CEP20: variants seen among roughly 807,000 people sequenced by gnomAD.
CEP20 encodes the protein centrosomal protein 20, also known as FGFR1OP N-terminal like.
Under a neutral mutation model 20.0 loss-of-function variants are expected in CEP20, and 18 were observed. The ratio of observed to expected loss-of-function variants is 0.90; its 90% confidence interval spans 0.62 to 1.34. CEP20 has a LOEUF of 1.34. CEP20 is among the 40% of genes most tolerant of loss of function. The pLI is 0.00. For synonymous variants in CEP20, 77 were observed against 73.7 expected (o/e 1.04, Z -0.23); for missense variants, 215 against 201.6 (o/e 1.07, Z -0.40).
At chr16:15,882,180 G>A (rs1029246500) in intron 2 of CEP20, among the ~76,000 whole-genome samples, 1 of 152,156 alleles carries the variant, frequency 6.6e-6, no homozygotes, top group African/African-American at 2.4e-5. Context: ...GCTCCCTGAG[G>A]CCTCCCAGAA....
chr16:15,877,636 G>A lies in CEP20; in HGVS notation c.311+2168C>T, dbSNP rs144886662. ...ACAAAAATTGGCCAGGCATGATGGT[G>A]CATGCCAGCGTATGCCTGTAATTCC... On this transcript the variant is annotated intron_variant, in intron 3 of 4. Transcript: ENST00000255759. 2.6e-5 allele frequency among the ~76,000 whole-genome samples: 4 copies of A among 152,284 alleles called. No individual in the cohort carries two copies. In the East Asian group the frequency reaches 5.8e-4, roughly 22 times the overall value.
intron 3 of CEP20, among the ~76,000 whole-genome samples, chr16:15,877,459 A>ACT (rs997515266): frequency 3.3e-5 from 5 of 152,200 alleles, no homozygotes; most frequent in Non-Finnish European, 5.9e-5. Context: ...CAATTATACA[A>ACT]TTTTTATACT....
intron 4 of CEP20, among the ~76,000 whole-genome samples, chr16:15,872,335 A>G (rs546508036): frequency 6.6e-6 from 1 of 151,990 alleles, no homozygotes; most frequent in South Asian, 2.1e-4. Context: ...AAAATTGATC[A>G]GCTCTCTACC....
At chr16:15,873,426 G>C (rs891932136) in intron 4 of CEP20, 65 bp downstream of exon 4, 1 of 1,558,098 alleles carries the variant, frequency 6.4e-7, no homozygotes, top group African/African-American at 1.4e-5. Context: ...GACTCCAAAA[G>C]AAAAATATAT....
chr16:15,868,896 T>G (rs2044746271), intron 4 of CEP20, among the ~76,000 whole-genome samples: 1 of 152,096 alleles, frequency 6.6e-6, no homozygotes, highest in Non-Finnish European at 1.5e-5. Context: ...TATAAAAATC[T>G]GGTCTTTCAT....
chr16:15,877,479 A>G (rs2044983089), intron 3 of CEP20, among the ~76,000 whole-genome samples: 1 of 152,184 alleles, frequency 6.6e-6, no homozygotes, highest in Admixed American at 6.5e-5. Context: ...TTTTCAAAAC[A>G]CTTGTTACCA....
chr16:15,869,095 ATGTG>A (rs34963300), intron 4 of CEP20, among the ~76,000 whole-genome samples: 1 of 150,056 alleles, frequency 6.7e-6, no homozygotes, highest in African/African-American at 2.5e-5. Context: ...AAGAAAAAAA[ATGTG>A]TGTGTGTGTA....
In CEP20 at chr16:15,867,227, C is replaced by T. The variant is rs7498734; in HGVS notation, c.*213G>A. 0.1 allele frequency: 42,286 copies of T among 421,562 alleles called. 2,468 individuals are homozygous for T. Among genetic ancestry groups the T allele is most frequent in the Middle Eastern group, 0.16 (245 of 1,504 alleles). The allele number at this position is 421,562 out of a possible 1,614,324, so 26.1% of individuals were successfully genotyped here. ...CATCTCAAAAAAACAAAAAATACTT[C>T]GTAAAAACAATACTTTTTTTTTCAA... On this transcript the variant is annotated 3_prime_UTR_variant, in exon 5 of 5. Transcript: ENST00000255759.
chr16:15,883,317 C>G (rs1414711073), intron 2 of CEP20, among the ~76,000 whole-genome samples: 1 of 152,052 alleles, frequency 6.6e-6, no homozygotes, highest in Non-Finnish European at 1.5e-5. Context: ...AAGCCATGAT[C>G]GCACCACTGC....
chr16:15,878,830 A>G (rs36076412), intron 3 of CEP20, among the ~76,000 whole-genome samples: 10,530 of 152,178 alleles, frequency 0.069, 487 homozygotes, highest in East Asian at 0.22. Flanking sequence ...TGTCCAGGCT[A>G]GTCTTGAACT....
intron 4 of CEP20, among the ~76,000 whole-genome samples, chr16:15,871,828 T>C (rs1182630357): frequency 6.6e-6 from 1 of 152,206 alleles, no homozygotes; most frequent in Admixed American, 6.5e-5. Context: ...ATTCACTGTT[T>C]ACTTTCAGAC....
At chr16:15,879,471 G>C (rs926788259) in intron 3 of CEP20, among the ~76,000 whole-genome samples, 3 of 151,968 alleles carry the variant, frequency 2.0e-5, no homozygotes, top group Admixed American at 1.3e-4. Flanking sequence ...AAAAAAGCGA[G>C]GCCTTGCCTC....
intron 1 of CEP20, among the ~76,000 whole-genome samples, chr16:15,888,176 C>G (rs1456649722): frequency 6.6e-6 from 1 of 151,852 alleles, no homozygotes; most frequent in Non-Finnish European, 1.5e-5. Context: ...AGTGCCTAAC[C>G]CAATAGGGGT....
intron 4 of CEP20, 52 bp downstream of exon 4, chr16:15,873,439 G>A: frequency 1.9e-6 from 3 of 1,577,688 alleles, no homozygotes; most frequent in Non-Finnish European, 2.6e-6. Context: ...AAATATATAG[G>A]AAGAAAACAT....
chr16:15,873,727 C>A, intron 3 of CEP20, 100 bp from the exon 4 acceptor site: 1 of 1,284,026 alleles, frequency 7.8e-7, no homozygotes, highest in African/African-American at 1.5e-5. Context: ...CCTCTGACAT[C>A]AAAAAGACCA....
At chr16:15,885,438 T>G (rs1004244099) in intron 1 of CEP20, among the ~76,000 whole-genome samples, 1 of 152,050 alleles carries the variant, frequency 6.6e-6, no homozygotes, top group Admixed American at 6.6e-5. Context: ...TGTCGCCAGG[T>G]TGGAGTGCAG....
chr16:15,873,470 T>G, intron 4 of CEP20, 21 bp downstream of exon 4: 5 of 1,597,182 alleles, frequency 3.1e-6, no homozygotes, highest in Non-Finnish European at 4.3e-6. Context: ...AGCTAAATGA[T>G]GAATCTTGGA....
intron 4 of CEP20, among the ~76,000 whole-genome samples, chr16:15,872,855 T>C (rs1299018877): frequency 6.6e-6 from 1 of 152,134 alleles, no homozygotes; most frequent in East Asian, 1.9e-4. Flanking sequence ...GCGATTCTCC[T>C]AACAATCTGT....
Position 15,881,984 on chromosome 16 carries a change from T to C in CEP20, c.226+2024A>G, listed in dbSNP as rs147806565. On this transcript the variant is annotated intron_variant, in intron 2 of 4. Coordinates refer to ENST00000255759, the MANE Select transcript of CEP20 (RefSeq NM_144600.4). ...TCTCATGTTGCAACGCACTCCCCAG[T>C]GTTGGAAGTGGGACCTGGCGGGAGT... 5.4e-4 allele frequency among the ~76,000 whole-genome samples: 82 copies of C among 152,238 alleles called. 1 individual carries two copies. Among genetic ancestry groups the C allele is most frequent in the African/African-American group, 1.9e-3 (81 of 41,556 alleles).
Sources: gnomAD v4.1 joint callset for allele counts (sites outside exome capture counted in the v4.1 genomes callset) on GRCh38, gnomAD v4.1.1 for gene constraint, MANE v1.5 for transcripts, NCBI Gene and HGNC (gene_info 2026-07-23, HGNC 2026-07-21) for gene names.